The following CPNE3 variants were observed in gnomAD, a reference collection of about 807,000 sequenced individuals.
CPNE3 encodes the protein copine 3, also known as copine-3.
Under a neutral mutation model 63.9 loss-of-function variants are expected in CPNE3, and 68 were observed. That is an observed-to-expected ratio of 1.06 (90% CI 0.87 to 1.30). The LOEUF is 1.30. Ranked by LOEUF, CPNE3 falls within the 50% of genes most tolerant of loss-of-function variation. The pLI, the probability that CPNE3 is intolerant of heterozygous loss-of-function variation, is 0.00. For missense variants in CPNE3, 665 were observed against 578.1 expected, an observed-to-expected ratio of 1.15 and a Z score of -1.54; for synonymous variants, 219 against 197.5, an observed-to-expected ratio of 1.11 and a Z score of -0.91.
intron 6 of CPNE3, among the ~76,000 whole-genome samples, chr8:86,533,153 A>G (rs1473367155): frequency 6.6e-6 from 1 of 151,882 alleles, no homozygotes; most frequent in Non-Finnish European, 1.5e-5. Flanking sequence ...CATACTCCCA[A>G]AGTGTTGGGA....
chr8:86,543,836 T>C (rs10106390), intron 8 of CPNE3, among the ~76,000 whole-genome samples: 36,184 of 152,040 alleles, frequency 0.24, 4,469 homozygotes, highest in Non-Finnish European at 0.27. Flanking sequence ...AAAACATTGG[T>C]GTTAAATGTT....
chr8:86,543,832 T>A (rs1820994761), intron 8 of CPNE3, among the ~76,000 whole-genome samples: 1 of 152,112 alleles, frequency 6.6e-6, no homozygotes, highest in South Asian at 2.1e-4. Context: ...TATAAAAACA[T>A]TGGTGTTAAA....
intron 12 of CPNE3, 55 bp downstream of exon 12, chr8:86,548,489 G>T: frequency 6.2e-7 from 1 of 1,608,216 alleles, no homozygotes; most frequent in South Asian, 1.1e-5. Flanking sequence ...CCCCAGAAAG[G>T]GTAGTTTGTT....
At chr8:86,544,962 C>A in intron 9 of CPNE3, 124 bp downstream of exon 9, 1 of 456,360 alleles carries the variant, frequency 2.2e-6, no homozygotes, top group Non-Finnish European at 3.8e-6. Context: ...GCATAATGCT[C>A]CGAAATGTTT....
Position 86,544,851 on chromosome 8 carries a change from C to T in CPNE3, c.732+13C>T. On this transcript the variant is annotated intron_variant, in intron 9 of 16. Coordinates refer to ENST00000517490, the MANE Select transcript of CPNE3 (RefSeq NM_003909.5). ...CAGAAGCTCACCTGTAAGTTACATCCTTGCATTTGCATATACTTTATAGTT... is the reference window on the plus strand; with the variant it reads ...CAGAAGCTCACCTGTAAGTTACATCTTTGCATTTGCATATACTTTATAGTT... 1 of 1,472,020 alleles carries T rather than the reference C, an allele frequency of 6.8e-7. No homozygotes were observed. The highest frequency in any genetic ancestry group is 9.3e-7 in the Non-Finnish European group (1 of 1,072,866). 91.2% of individuals were successfully genotyped at this position (1,472,020 alleles called of 1,614,324 possible).
At chr8:86,549,710 A>G (rs1586847748) in intron 12 of CPNE3, among the ~76,000 whole-genome samples, 2 of 152,374 alleles carry the variant, frequency 1.3e-5, no homozygotes, top group Admixed American at 6.5e-5. Flanking sequence ...TTAAGAACTG[A>G]TAGGGGAGTT....
At chr8:86,550,752 C>T (rs962023455) in intron 12 of CPNE3, among the ~76,000 whole-genome samples, 4 of 152,108 alleles carry the variant, frequency 2.6e-5, no homozygotes, top group Admixed American at 1.3e-4. Context: ...CATTTGATCA[C>T]TGAAATGATA....
Position 86,551,214 on chromosome 8 carries a change from C to A in CPNE3, c.1100C>A (p.Pro367Gln), listed in dbSNP as rs150407168. Residue 367 changes from proline to glutamine, a missense_variant, in exon 14 of 17, where the codon CCA (proline) becomes CAA (glutamine). Pro to Gln is a moderately conservative substitution (Grantham distance 76). Coordinates refer to ENST00000517490, the MANE Select transcript of CPNE3 (RefSeq NM_003909.5). ...CATGAATTTCCAATGAACTTCAACC[C>A]ATCCAATCCCTACTGCAATGGTAAG... is the stretch of plus-strand genomic sequence containing the variant. Reference protein sequence around the residue: ...VSHEFPMNFNPSNPYCNGIQG... With the variant: ...VSHEFPMNFNQSNPYCNGIQG... 5.2e-4 allele frequency: 827 copies of A among 1,603,986 alleles called. 2 individuals carry two copies. Among genetic ancestry groups the A allele is most frequent in the Non-Finnish European group, 6.6e-4 (768 of 1,170,914 alleles).
intron 8 of CPNE3, 86 bp downstream of exon 8, chr8:86,540,420 A>C: frequency 1.7e-6 from 1 of 597,764 alleles, no homozygotes; most frequent in Non-Finnish European, 2.6e-6. Flanking sequence ...ATAGTATTTA[A>C]AGAAAGTAAA....
rs747910810 is a variant in CPNE3 at position 86,537,639 on chromosome 8, G to A, written c.536G>A (p.Arg179Gln). 12 of 1,585,526 alleles carry A rather than the reference G, an allele frequency of 7.6e-6. No homozygotes were observed. The highest frequency in any genetic ancestry group is 1.7e-5 in the Admixed American group (1 of 59,942). The change falls in exon 7 of 17, where the codon CGG (arginine) becomes CAG (glutamine). Residue 179 changes from arginine to glutamine, a missense_variant. By Grantham distance (43) the Arg-to-Gln change is conservative. Transcript: ENST00000517490. ...TSDGNWLMVH[R>Q]TEVVKNNLNP... ...GATGGAAACTGGCTAATGGTTCATC[G>A]GACAGAGGTGAATATTTGAATTTGA...
At chr8:86,536,916 T>C (rs34101388) in intron 6 of CPNE3, among the ~76,000 whole-genome samples, 16 of 152,162 alleles carry the variant, frequency 1.1e-4, no homozygotes, top group Admixed American at 7.2e-4. Flanking sequence ...GCTTGAGCAT[T>C]GTATAGGAGT....
At chr8:86,557,282 C>T (rs1163577509) in intron 16 of CPNE3, among the ~76,000 whole-genome samples, 1 of 152,034 alleles carries the variant, frequency 6.6e-6, no homozygotes, top group Non-Finnish European at 1.5e-5. Context: ...TACAGGTGTG[C>T]ACCACTATGC....
rs558351060 is a variant in CPNE3 at position 86,559,016 on chromosome 8, G to C, written c.*606G>C. The C allele has an allele frequency of 1.3e-5, 2 of 152,174 alleles. No individual in the cohort carries two copies. The highest frequency in any genetic ancestry group is 4.8e-5 in the African/African-American group (2 of 41,424). 9.4% of individuals were successfully genotyped at this position (152,174 alleles called of 1,614,324 possible). A position where few individuals can be genotyped will look rare whatever the true frequency, so the allele number is the denominator to read the frequency against. On this transcript the variant is annotated 3_prime_UTR_variant, in exon 17 of 17. Transcript: ENST00000517490. ...TTTATGAAAAGTACTGAATGAGCAG[G>C]AAAAGGCACATACTCAGTTTTTTAA...
At chr8:86,517,999 A>G (rs1820352678) in intron 2 of CPNE3, among the ~76,000 whole-genome samples, 1 of 152,254 alleles carries the variant, frequency 6.6e-6, no homozygotes, top group African/African-American at 2.4e-5. Flanking sequence ...GAAATCAGGA[A>G]ATGTATAAAC....
intron 9 of CPNE3, 87 bp downstream of exon 9, chr8:86,544,925 C>T (rs17609515): frequency 0.068 from 46,064 of 676,220 alleles, 1,943 homozygotes; most frequent in Non-Finnish European, 0.089. Context: ...TAGCATCAAA[C>T]GGTTTACTAT....
rs1324199107 is a variant in CPNE3, at chr8:86,537,601, C to T, written c.498C>T (p.His166=). The change falls in exon 7 of 17, where the codon CAC becomes CAT. Residue 166 remains histidine, a synonymous_variant. Coordinates refer to ENST00000517490, the MANE Select transcript of CPNE3 (RefSeq NM_003909.5). ...AGTCAGACCCATACCTGGAATTCCACAAGCAGACATCTGATGGAAACTGGC... is the reference window on the plus strand; with the variant it reads ...AGTCAGACCCATACCTGGAATTCCATAAGCAGACATCTGATGGAAACTGGC... ...FGKSDPYLEF[H]KQTSDGNWLM... The T allele has an allele frequency of 1.2e-6, 2 of 1,611,092 alleles. No homozygotes were observed. The highest frequency in any genetic ancestry group is 1.1e-5 in the South Asian group (1 of 91,028).
chr8:86,556,079 G>T (rs534175037), intron 15 of CPNE3, 23 bp from the exon 16 acceptor site: 7 of 869,782 alleles, frequency 8.0e-6, no homozygotes, highest in South Asian at 1.3e-5. Context: ...TTGCTCAGGG[G>T]ACATGTTTTC....
chr8:86,537,582 AC>A lies in CPNE3; in HGVS notation c.482del (p.Pro161HisfsTer15). The A allele has an allele frequency of 6.2e-7, 1 of 1,606,158 alleles. No homozygotes were observed. On this transcript the variant is annotated frameshift_variant, in exon 7 of 17. Transcript: ENST00000517490. LOFTEE classifies it high-confidence loss of function. ...LDNKDLFGKS[D>X]PYLEFHKQTS... ...ATGTAGGATCTATTTGGAAAGTCAG[AC>A]CCATACCTGGAATTCCACAAGCAGA...
At chr8:86,551,409 G>C in intron 14 of CPNE3, 175 bp downstream of exon 14, 1 of 590,822 alleles carries the variant, frequency 1.7e-6, no homozygotes. Context: ...AATTGCACCA[G>C]GTTGGTGGTT....
Sources: allele counts gnomAD v4.1 joint callset (sites outside exome capture counted in the v4.1 genomes callset), GRCh38; gene constraint gnomAD v4.1.1; transcripts MANE v1.5; gene names NCBI Gene and HGNC (gene_info 2026-07-23, HGNC 2026-07-21).